DCDC1: variants seen among roughly 807,000 people sequenced by gnomAD.
DCDC1 encodes doublecortin domain containing 1.
Under a neutral mutation model 178.3 loss-of-function variants are expected in DCDC1, and 200 were observed. The ratio of observed to expected loss-of-function variants is 1.12; its 90% CI spans 1.00 to 1.26. DCDC1 has a LOEUF of 1.26. Ranked by LOEUF, DCDC1 falls within the 50% of genes most tolerant of loss-of-function variation. The pLI, the probability that DCDC1 is intolerant of heterozygous loss-of-function variation, is 0.00. For missense variants in DCDC1, 1,983 were observed against 1,749.2 expected, an observed-to-expected ratio of 1.13 and a Z score of -2.38; for synonymous variants, 690 against 604.8, an observed-to-expected ratio of 1.14 and a Z score of -2.07.
At chr11:31,145,755 T>A (rs1591207601) in intron 9 of DCDC1, among the ~76,000 whole-genome samples, 1 of 152,342 alleles carries the variant, frequency 6.6e-6, no homozygotes, top group South Asian at 2.1e-4. Context: ...TTTGGAGAAT[T>A]CATAAACAAC....
intron 9 of DCDC1, among the ~76,000 whole-genome samples, chr11:31,212,761 G>A (rs1181491214): frequency 6.6e-6 from 1 of 152,068 alleles, no homozygotes; most frequent in Non-Finnish European, 1.5e-5. Context: ...AAATAAATCT[G>A]TATTTTTTTC....
intron 9 of DCDC1, among the ~76,000 whole-genome samples, chr11:31,187,984 A>T (rs1162669311): frequency 6.6e-6 from 1 of 152,146 alleles, no homozygotes; most frequent in East Asian, 1.9e-4. Flanking sequence ...ATAACACCTC[A>T]TCTAATCTTT....
intron 20 of DCDC1, among the ~76,000 whole-genome samples, chr11:31,020,858 T>C (rs1220217819): frequency 6.6e-6 from 1 of 152,188 alleles, no homozygotes; most frequent in East Asian, 1.9e-4. Flanking sequence ...GGAAAAATAT[T>C]TGTAACTCAA....
chr11:31,362,405 T>C (rs1473305954), intron 1 of DCDC1, among the ~76,000 whole-genome samples: 1 of 152,218 alleles, frequency 6.6e-6, no homozygotes, highest in Non-Finnish European at 1.5e-5. Context: ...CTTTCTCTAA[T>C]GCTCCCGCTT....
chr11:30,998,616 C>T (rs1951403236), intron 20 of DCDC1, among the ~76,000 whole-genome samples: 1 of 152,068 alleles, frequency 6.6e-6, no homozygotes, highest in Non-Finnish European at 1.5e-5. Context: ...GCTATAAATG[C>T]TACAGACAAA....
At chr11:31,228,915 G>A (rs1402963778) in intron 9 of DCDC1, among the ~76,000 whole-genome samples, 1 of 151,994 alleles carries the variant, frequency 6.6e-6, no homozygotes, top group Non-Finnish European at 1.5e-5. Context: ...GGGAAAGAGA[G>A]AGAAGGGCTG....
intron 9 of DCDC1, among the ~76,000 whole-genome samples, chr11:31,210,025 A>G (rs942893627): frequency 1.3e-5 from 2 of 152,180 alleles, no homozygotes; most frequent in Admixed American, 6.5e-5. Flanking sequence ...ATGAGCAAAC[A>G]TGCATGTCTA....
chr11:31,014,828 T>G (rs543895400), intron 20 of DCDC1, among the ~76,000 whole-genome samples: 2 of 152,202 alleles, frequency 1.3e-5, no homozygotes, highest in Non-Finnish European at 2.9e-5. Context: ...TTAATATCCA[T>G]TTATCTTCTA....
intron 1 of DCDC1, among the ~76,000 whole-genome samples, chr11:31,343,687 G>A (rs1950667402): frequency 6.6e-6 from 1 of 152,168 alleles, no homozygotes; most frequent in Non-Finnish European, 1.5e-5. Context: ...GGGAGGCCGA[G>A]ATGGGTAGAC....
chr11:31,253,142 GC>G (rs1944168533), intron 8 of DCDC1, among the ~76,000 whole-genome samples: 1 of 152,080 alleles, frequency 6.6e-6, no homozygotes, highest in Non-Finnish European at 1.5e-5. Flanking sequence ...CCAACAAAAA[GC>G]AGTTAATAGT....
chr11:31,054,151 A>T (rs978916420), intron 20 of DCDC1, among the ~76,000 whole-genome samples: 2 of 152,066 alleles, frequency 1.3e-5, no homozygotes, highest in East Asian at 1.9e-4. Flanking sequence ...TAATGTACAC[A>T]AATCAGTAGC....
intron 20 of DCDC1, among the ~76,000 whole-genome samples, chr11:30,965,246 C>T (rs1453709522): frequency 6.6e-6 from 1 of 152,182 alleles, no homozygotes; most frequent in Non-Finnish European, 1.5e-5. Flanking sequence ...GAGCCTTGAA[C>T]TTGTTCTGTA....
chr11:31,291,033 T>C (rs1947193747), intron 6 of DCDC1, among the ~76,000 whole-genome samples, 181 bp from the exon 7 acceptor site: 1 of 152,038 alleles, frequency 6.6e-6, no homozygotes, highest in Admixed American at 6.6e-5. Context: ...TAGCAAGCTG[T>C]CTGCTCTGAT....
At chr11:31,153,325 T>A (rs1368416550) in intron 9 of DCDC1, among the ~76,000 whole-genome samples, 1 of 152,206 alleles carries the variant, frequency 6.6e-6, no homozygotes, top group Non-Finnish European at 1.5e-5. Context: ...AACTATCTCA[T>A]GTCATCAATG....
At chr11:30,878,428 T>C in intron 38 of DCDC1, 116 bp downstream of exon 38, 1 of 1,006,178 alleles carries the variant, frequency 9.9e-7, no homozygotes, top group Non-Finnish European at 1.4e-6. Flanking sequence ...CACTCCAGCC[T>C]GGGTGACAGA....
rs147988640 is a variant in DCDC1, at chr11:30,903,578, C to T, written c.4414G>A (p.Ala1472Thr). 17 of 1,609,436 alleles carry T rather than the reference C, an allele frequency of 1.1e-5. No individual in the cohort carries two copies. Among genetic ancestry groups the T allele is most frequent in the Non-Finnish European group, 8.5e-7 (1 of 1,177,808 alleles). Reference sequence around the variant, plus strand: ...CTCTGGAGAAAGGATTCATCTAGAGCCCATAAAACCAAATCACGCAAGGTA... The same window carrying T: ...CTCTGGAGAAAGGATTCATCTAGAGTCCATAAAACCAAATCACGCAAGGTA... ...IFTLRDLVLW[A>T]LDESFLQRDS... The change falls in exon 32 of 39, where the codon GCT (alanine) becomes ACT (threonine). Residue 1472 changes from alanine to threonine, a missense_variant. Ala to Thr is a moderately conservative substitution (Grantham distance 58). Transcript: ENST00000684477.
intron 20 of DCDC1, among the ~76,000 whole-genome samples, chr11:31,050,474 A>G (rs1955169496): frequency 1.3e-5 from 2 of 152,322 alleles, no homozygotes; most frequent in South Asian, 4.1e-4. Context: ...GGTCCCACCC[A>G]TCGCCAGTCG....
rs1164956696 is a variant in DCDC1 at position 30,881,091 on chromosome 11, C to T, written c.5233+67G>A. On this transcript the variant is annotated intron_variant, in intron 37 of 38. Transcript: ENST00000684477. ...AAATCATTGTGATGGGATATAAGCT[C>T]TTCCAAGAGAAGATTGAATGCTTTA... 1.9e-6 allele frequency: 3 copies of T among 1,561,158 alleles called. No individual in the cohort carries two copies. In the African/African-American group the frequency reaches 4.1e-5, roughly 21 times the overall value.
rs182348352 is a variant in DCDC1, at chr11:31,131,305, T to C, written c.1315-3666A>G. ...GAGAAGGGAAGAAAGAGAAAGAAGA[T>C]GTGAAAAAGAAAAGAATGGTGTTTA... On this transcript the variant is annotated intron_variant, in intron 10 of 38. Coordinates refer to ENST00000684477, the MANE Select transcript of DCDC1 (RefSeq NM_001387274.1). Among the ~76,000 whole-genome samples, 757 of 151,742 alleles carry C rather than the reference T, an allele frequency of 5.0e-3. 8 individuals carry two copies. Among genetic ancestry groups the C allele is most frequent in the African/African-American group, 0.017 (703 of 41,334 alleles).
Sources: gnomAD v4.1 joint callset for allele counts (sites outside exome capture counted in the v4.1 genomes callset) on GRCh38, gnomAD v4.1.1 for gene constraint, MANE v1.5 for transcripts, NCBI Gene and HGNC (gene_info 2026-07-23, HGNC 2026-07-21) for gene names.